NOX4: variants seen among roughly 807,000 people sequenced by gnomAD.
NOX4 encodes kidney oxidase-1.
A neutral mutation model predicts 87.6 loss-of-function variants in NOX4; 69 were observed. The ratio of observed to expected loss-of-function variants is 0.79; its 90% CI spans 0.65 to 0.96. The LOEUF (loss-of-function observed/expected upper bound fraction) is 0.96, where lower values mean the gene tolerates loss of function less well. Among genes scored for constraint, NOX4 ranks in the 40% least tolerant of loss-of-function variants. The pLI, the probability that NOX4 is intolerant of heterozygous loss-of-function variation, is 0.00. For missense variants in NOX4, 680 were observed against 681.5 expected, an observed-to-expected ratio of 1.00 and a Z score of 0.02; for synonymous variants, 275 against 238.2, an observed-to-expected ratio of 1.15 and a Z score of -1.42.
At chr11:89,526,691 G>A in the NOX4 span, among the ~76,000 whole-genome samples, 1 of 152,138 alleles carries the variant, frequency 6.6e-6, no homozygotes, top group African/African-American at 2.4e-5. Flanking sequence ...CTGCTGCCTT[G>A]TAAAGAAGTG....
At chr11:89,576,814 G>A in the NOX4 span, 3 of 151,856 alleles carry the variant, frequency 2.0e-5, no homozygotes, top group Non-Finnish European at 4.4e-5. Flanking sequence ...TGAACATTTG[G>A]TTATGTAATG....
At chr11:89,416,217 G>A (rs1201637607) in intron 8 of NOX4, among the ~76,000 whole-genome samples, 1 of 152,130 alleles carries the variant, frequency 6.6e-6, no homozygotes, top group Non-Finnish European at 1.5e-5. Context: ...AAATGTACAG[G>A]CAAGAAATGG....
intron 13 of NOX4, among the ~76,000 whole-genome samples, chr11:89,353,201 T>C (rs1306669274): frequency 6.6e-6 from 1 of 152,162 alleles, no homozygotes; most frequent in Non-Finnish European, 1.5e-5. Flanking sequence ...TTTGAGAGGA[T>C]TGAGTACAAT....
the NOX4 span, among the ~76,000 whole-genome samples, chr11:89,536,247 C>T: frequency 1.3e-5 from 2 of 150,080 alleles, no homozygotes; most frequent in Non-Finnish European, 1.5e-5. Context: ...CCCGGGTTCA[C>T]GCCATTCTCC....
chr11:89,391,147 G>C (rs1251061340), intron 11 of NOX4, among the ~76,000 whole-genome samples: 1 of 152,108 alleles, frequency 6.6e-6, no homozygotes, highest in East Asian at 1.9e-4. Flanking sequence ...TCTTTCAAAG[G>C]GCTCATGGAG....
At chr11:89,489,555 T>C (rs960618684) in intron 2 of NOX4, among the ~76,000 whole-genome samples, 2 of 151,594 alleles carry the variant, frequency 1.3e-5, no homozygotes, top group Non-Finnish European at 2.9e-5. Context: ...TGGTGAAACC[T>C]TGTGTCTACT....
At chr11:89,468,145 C>G (rs142414937) in intron 2 of NOX4, among the ~76,000 whole-genome samples, 3 of 152,196 alleles carry the variant, frequency 2.0e-5, no homozygotes, top group Non-Finnish European at 2.9e-5. Flanking sequence ...GTAACCTACA[C>G]TCTGTTTGAA....
the NOX4 span, among the ~76,000 whole-genome samples, chr11:89,552,678 G>A: frequency 6.6e-6 from 1 of 152,098 alleles, no homozygotes; most frequent in Admixed American, 6.6e-5. Flanking sequence ...TGAGTTCATT[G>A]GATTTAGTTC....
chr11:89,551,989 ACACT>A, the NOX4 span, among the ~76,000 whole-genome samples: 2 of 152,134 alleles, frequency 1.3e-5, no homozygotes, highest in African/African-American at 4.8e-5. Flanking sequence ...TTACACACAC[ACACT>A]CACACACATA....
chr11:89,444,905 A>G (rs956744658), intron 4 of NOX4, among the ~76,000 whole-genome samples: 1 of 152,182 alleles, frequency 6.6e-6, no homozygotes, highest in African/African-American at 2.4e-5. Context: ...AGATGTGAAG[A>G]TGAACTCATT....
intron 17 of NOX4, among the ~76,000 whole-genome samples, chr11:89,327,570 A>C (rs1475840283): frequency 6.6e-6 from 1 of 152,172 alleles, no homozygotes; most frequent in Non-Finnish European, 1.5e-5. Context: ...AAATCCCAGG[A>C]AATAAATAAT....
the NOX4 span, among the ~76,000 whole-genome samples, chr11:89,538,452 T>C: frequency 1.3e-5 from 2 of 152,210 alleles, no homozygotes; most frequent in Admixed American, 1.3e-4. Flanking sequence ...GTAACACTGA[T>C]ATAAAATTGT....
rs1302372294 is a variant in NOX4 at position 89,438,531 on chromosome 11, T to A, written c.475+2157A>T. On this transcript the variant is annotated intron_variant, in intron 6 of 17. Coordinates refer to ENST00000263317, the MANE Select transcript of NOX4 (RefSeq NM_016931.5). ...TATTATATACTATATATACTATATA[T>A]TACACACTATATATAATAATATACT... 5.1e-3 allele frequency among the ~76,000 whole-genome samples: 467 copies of A among 92,036 alleles called. 21 individuals carry two copies. Among genetic ancestry groups the A allele is most frequent in the African/African-American group, 0.022 (440 of 20,426 alleles). 60.4% of individuals were successfully genotyped at this position (92,036 alleles called of 152,430 possible).
At chr11:89,449,585 G>T in intron 3 of NOX4, 61 bp from the exon 4 acceptor site, 1 of 1,306,262 alleles carries the variant, frequency 7.7e-7, no homozygotes, top group Non-Finnish European at 1.1e-6. Context: ...AAGTTTTTCA[G>T]TATAGCATTG....
chr11:89,334,947 ACATC>A (rs1383470842), intron 17 of NOX4, among the ~76,000 whole-genome samples: 1 of 151,744 alleles, frequency 6.6e-6, no homozygotes, highest in Non-Finnish European at 1.5e-5. Context: ...ATGATGTAAA[ACATC>A]CAACTGCTAA....
upstream of NOX4, among the ~76,000 whole-genome samples, chr11:89,503,123 G>A (rs528845831): frequency 1.3e-5 from 2 of 152,004 alleles, no homozygotes; most frequent in South Asian, 2.1e-4. Context: ...GTAAGTGTTC[G>A]ATAAATGTGG....
At chr11:89,439,596 G>C (rs1383912996) in intron 6 of NOX4, among the ~76,000 whole-genome samples, 1 of 151,972 alleles carries the variant, frequency 6.6e-6, no homozygotes, top group Non-Finnish European at 1.5e-5. Flanking sequence ...TACTTAATTG[G>C]GTATTACACC....
chr11:89,502,259 G>A (rs1947030916), upstream of NOX4, among the ~76,000 whole-genome samples: 1 of 152,016 alleles, frequency 6.6e-6, no homozygotes, highest in Non-Finnish European at 1.5e-5. Context: ...AACCCCACGA[G>A]TCTTATCGGA....
chr11:89,432,004 T>A (rs1481558548), intron 7 of NOX4, among the ~76,000 whole-genome samples: 1 of 152,174 alleles, frequency 6.6e-6, no homozygotes, highest in Non-Finnish European at 1.5e-5. Flanking sequence ...ATATACACCA[T>A]GGATTACTAT....
Sources: gnomAD v4.1 joint callset for allele counts (sites outside exome capture counted in the v4.1 genomes callset) on GRCh38, gnomAD v4.1.1 for gene constraint, MANE v1.5 for transcripts, NCBI Gene and HGNC (gene_info 2026-07-23, HGNC 2026-07-21) for gene names.